The following BCAT1 variants were observed in gnomAD, a reference collection of about 807,000 sequenced individuals.
BCAT1 encodes branched chain amino acid transaminase 1, also known as branched-chain-amino-acid aminotransferase, cytosolic.
In BCAT1, 48 loss-of-function variants were observed where a neutral mutation model predicts 52.4. That is an observed-to-expected ratio of 0.92 (90% CI 0.73 to 1.16). BCAT1 has a LOEUF of 1.16. Among genes scored for constraint, BCAT1 ranks in the 50% most tolerant of loss-of-function variants. The pLI, the probability that BCAT1 is intolerant of heterozygous loss-of-function variation, is 0.00. For missense variants in BCAT1, 451 were observed against 457.1 expected, an observed-to-expected ratio of 0.99 and a Z score of 0.12; for synonymous variants, 167 against 161.3, an observed-to-expected ratio of 1.04 and a Z score of -0.27.
intron 5 of BCAT1, among the ~76,000 whole-genome samples, chr12:24,875,053 T>C (rs1942291162): frequency 6.7e-6 from 1 of 148,554 alleles, no homozygotes. Flanking sequence ...AGCTTGCAAT[T>C]ATACTATGAA....
chr12:24,868,300 G>A (rs896383406), intron 5 of BCAT1, among the ~76,000 whole-genome samples: 16 of 152,164 alleles, frequency 1.1e-4, no homozygotes, highest in Admixed American at 3.9e-4. Context: ...CGGTACATAT[G>A]TCCAATGGAT....
At chr12:24,941,155 C>A (rs761235100) in intron 1 of BCAT1, among the ~76,000 whole-genome samples, 5 of 152,124 alleles carry the variant, frequency 3.3e-5, no homozygotes, top group Admixed American at 2.0e-4. Context: ...TTGTTCATTA[C>A]GATTTTTGTG....
At chr12:24,916,156 G>A (rs918929304) in intron 1 of BCAT1, among the ~76,000 whole-genome samples, 17 of 152,142 alleles carry the variant, frequency 1.1e-4, no homozygotes, top group African/African-American at 4.1e-4. Context: ...GAGATTCCGT[G>A]TCAAAAAAAC....
At chr12:24,932,863 G>A (rs1447634541) in intron 1 of BCAT1, among the ~76,000 whole-genome samples, 1 of 152,080 alleles carries the variant, frequency 6.6e-6, no homozygotes, top group African/African-American at 2.4e-5. Context: ...CCAGGCTGGA[G>A]TGCAGTGGCG....
rs111231814 is a variant in BCAT1 at position 24,820,195 on chromosome 12, C to A, written c.1120-2146G>T. Among the ~76,000 whole-genome samples, 197 of 152,248 alleles carry A rather than the reference C, an allele frequency of 1.3e-3. No individual in the cohort carries two copies. In the Middle Eastern group the frequency reaches 0.02, roughly 16 times the overall value. ...CAGTCGTAGGCCACATATCACTCTG[C>A]GAACCTGCATAATATGCACTAAGCT... On this transcript the variant is annotated intron_variant, in intron 10 of 10. Transcript: ENST00000261192.
At position 24,889,905 on chromosome 12, in the gene BCAT1, C is replaced by T. The variant is rs116151323; in HGVS notation, c.279+4370G>A. Among the ~76,000 whole-genome samples, 1,147 of 152,260 alleles carry T rather than the reference C, an allele frequency of 7.5e-3. 10 individuals carry two copies. Among genetic ancestry groups the T allele is most frequent in the African/African-American group, 0.027 (1,106 of 41,536 alleles). On this transcript the variant is annotated intron_variant, in intron 3 of 10. Transcript: ENST00000261192. ...CATACCCCAGGGGAAGGAATATTGA[C>T]GTGAAGCTTCCATAAAAACCCAAAA...
At chr12:24,891,311 C>T (rs1404726722) in intron 3 of BCAT1, among the ~76,000 whole-genome samples, 2 of 152,082 alleles carry the variant, frequency 1.3e-5, no homozygotes, top group Non-Finnish European at 2.9e-5. Context: ...GTCATCCTCA[C>T]TGTTCATTAT....
At chr12:24,891,915 A>ATT (rs10616253) in intron 3 of BCAT1, among the ~76,000 whole-genome samples, 1,640 of 144,346 alleles carry the variant, frequency 0.011, 35 homozygotes, top group African/African-American at 0.039. Flanking sequence ...CGCCCGGCTA[A>ATT]TTTTTTTTTT....
intron 3 of BCAT1, among the ~76,000 whole-genome samples, chr12:24,890,874 T>C (rs1031461108): frequency 6.6e-6 from 1 of 152,160 alleles, no homozygotes; most frequent in African/African-American, 2.4e-5. Flanking sequence ...TTCTTTCTTG[T>C]GCAACATCCA....
At chr12:24,880,719 G>T (rs7978793) in intron 4 of BCAT1, among the ~76,000 whole-genome samples, 128,131 of 152,214 alleles carry the variant, frequency 0.84, 54,244 homozygotes, top group East Asian at 1. Context: ...ATTATTTTAG[G>T]TTGAGATACA....
chr12:24,849,771 C>G lies in BCAT1; in HGVS notation c.674+15G>C, dbSNP rs373897797. Reference sequence around the variant, plus strand: ...AAGGTGTCTTTCCTTTAGACAGAGACACAGATTTACTTACCCTCCCATCTT... The same window carrying G: ...AAGGTGTCTTTCCTTTAGACAGAGAGACAGATTTACTTACCCTCCCATCTT... On this transcript the variant is annotated intron_variant, in intron 6 of 10. Coordinates refer to ENST00000261192, the MANE Select transcript of BCAT1 (RefSeq NM_005504.7). The G allele has an allele frequency of 1.3e-6, 2 of 1,599,434 alleles. No individual in the cohort carries two copies. Among genetic ancestry groups the G allele is most frequent in the Non-Finnish European group, 1.7e-6 (2 of 1,169,856 alleles).
chr12:24,916,535 TG>T (rs1437680789), intron 1 of BCAT1, among the ~76,000 whole-genome samples: 10 of 152,280 alleles, frequency 6.6e-5, no homozygotes, highest in African/African-American at 1.9e-4. Context: ...GTTTGCTTTT[TG>T]TTTTTTTGTT....
At chr12:24,891,138 A>G (rs920846109) in intron 3 of BCAT1, among the ~76,000 whole-genome samples, 1 of 152,198 alleles carries the variant, frequency 6.6e-6, no homozygotes. Flanking sequence ...ATCTGGGCTC[A>G]GTCAACTGAC....
chr12:24,830,700 G>T (rs569907138), intron 9 of BCAT1: 10 of 152,036 alleles, frequency 6.6e-5, no homozygotes, highest in Non-Finnish European at 1.2e-4. Flanking sequence ...CTTATTTCTA[G>T]AAGTGAAATA....
chr12:24,914,876 C>A (rs1943384782), intron 1 of BCAT1, among the ~76,000 whole-genome samples: 1 of 152,228 alleles, frequency 6.6e-6, no homozygotes, highest in Non-Finnish European at 1.5e-5. Flanking sequence ...GGAAGGAATT[C>A]AGGATTCAGC....
At chr12:24,894,587 G>T in intron 2 of BCAT1, 112 bp from the exon 3 acceptor site, 1 of 906,010 alleles carries the variant, frequency 1.1e-6, no homozygotes, top group Non-Finnish European at 1.6e-6. Context: ...AAGGTTAGCA[G>T]CTAACACAGA....
At chr12:24,884,629 A>C (rs1942605239) in intron 3 of BCAT1, among the ~76,000 whole-genome samples, 1 of 152,212 alleles carries the variant, frequency 6.6e-6, no homozygotes. Flanking sequence ...GTCAATTAAA[A>C]ATTTAATAAA....
intron 5 of BCAT1, among the ~76,000 whole-genome samples, chr12:24,854,023 T>A (rs1941593136): frequency 6.6e-6 from 1 of 152,212 alleles, no homozygotes; most frequent in Non-Finnish European, 1.5e-5. Flanking sequence ...GAGCTATACC[T>A]CACAAATACA....
In BCAT1 at chr12:24,860,671, T is replaced by C. The variant is rs1005179645; in HGVS notation, c.511-10722A>G. On this transcript the variant is annotated intron_variant, in intron 5 of 10. Coordinates refer to ENST00000261192, the MANE Select transcript of BCAT1 (RefSeq NM_005504.7). ...AACAGATTGCTTTAAGGAATCAAAG[T>C]TGACTTACAGAACTGATGAAAGCCT... Among the ~76,000 whole-genome samples, 5 of 152,222 alleles carry C rather than the reference T, an allele frequency of 3.3e-5. 1 individual carries two copies. The highest frequency in any genetic ancestry group is 1.3e-4 in the Admixed American group (2 of 15,282).
Sources: gnomAD v4.1 joint callset for allele counts (sites outside exome capture counted in the v4.1 genomes callset) on GRCh38, gnomAD v4.1.1 for gene constraint, MANE v1.5 for transcripts, NCBI Gene and HGNC (gene_info 2026-07-23, HGNC 2026-07-21) for gene names.